Variants in MAMDC4 observed in about 807,000 individuals in gnomAD.
MAMDC4 encodes MAM domain containing 4.
Under a neutral mutation model 153.3 loss-of-function variants are expected in MAMDC4, and 168 were observed. That is an observed-to-expected ratio of 1.10 (90% confidence interval 0.97 to 1.25). The LOEUF (loss-of-function observed/expected upper bound fraction) is 1.25, where lower values mean the gene tolerates loss of function less well. MAMDC4 is among the 50% of genes most tolerant of loss of function. The probability of loss-of-function intolerance (pLI) is 0.00; values close to 1 mark genes in which losing one functional copy is unlikely to be tolerated. For missense variants in MAMDC4, 1,701 were observed against 1,542.8 expected, an observed-to-expected ratio of 1.10 and a Z score of -1.72; for synonymous variants, 744 against 651.5, an observed-to-expected ratio of 1.14 and a Z score of -2.16.
In MAMDC4 at chr9:136,852,440, G is replaced by A. The variant is rs946057838; in HGVS notation, c.24G>A (p.Leu8=). Residue 8 remains leucine (L), a synonymous_variant, in exon 1 of 27, where the codon CTG becomes CTA. Coordinates refer to ENST00000317446, the MANE Select transcript of MAMDC4 (RefSeq NM_206920.3). ...CCATGCCTCTGTCCAGCCACCTGCT[G>A]CCCGCCTTGGTCCTGTTCCTGGGTA... The part of the protein sequence containing the change: MPLSSHL[L]PALVLFLAGS... 8.7e-6 allele frequency: 14 copies of A among 1,610,230 alleles called. No homozygotes were observed. The highest frequency in any genetic ancestry group is 1.6e-4 in the Middle Eastern group (1 of 6,080).
chr9:136,856,358 G>C (rs1427234663), intron 14 of MAMDC4: 1 of 928,932 alleles, frequency 1.1e-6, no homozygotes, highest in Non-Finnish European at 1.8e-6. Context: ...GGTCCTTCTA[G>C]GGGCCCGCCG....
At chr9:136,854,741 C>T (rs1194639228) in intron 8 of MAMDC4, 21 bp from the exon 9 acceptor site, 3 of 1,612,682 alleles carry the variant, frequency 1.9e-6, no homozygotes, top group Admixed American at 1.7e-5. Flanking sequence ...GGCCCTGGCC[C>T]ACTCCCGTCC....
At position 136,860,614 on chromosome 9, in the gene MAMDC4, A is replaced by G; in HGVS notation, c.*11A>G. On this transcript the variant is annotated 3_prime_UTR_variant, in exon 27 of 27. Transcript: ENST00000317446. ...ACCAGTGATCCGTAGACCACCCCAG[A>G]CAAGGCCCCGCTTCCTCACGTGACA... 1 of 1,613,284 alleles carries G rather than the reference A, an allele frequency of 6.2e-7. No individual in the cohort carries two copies. Among genetic ancestry groups the G allele is most frequent in the Non-Finnish European group, 8.5e-7 (1 of 1,179,842 alleles).
At position 136,854,345 on chromosome 9, in the gene MAMDC4, G is replaced by A. The variant is rs191111864; in HGVS notation, c.796+9G>A. On this transcript the variant is annotated intron_variant, in intron 7 of 26. Coordinates refer to ENST00000317446, the MANE Select transcript of MAMDC4 (RefSeq NM_206920.3). Reference sequence around the variant, plus strand: ...GAACCCACTCACCTGTGGTGAGGCCGGAGTGGGGGCCCAGAGTGAGGCTGG... The same window carrying A: ...GAACCCACTCACCTGTGGTGAGGCCAGAGTGGGGGCCCAGAGTGAGGCTGG... The A allele has an allele frequency of 1.1e-3, 1,695 of 1,541,654 alleles. No individual in the cohort carries two copies. The highest frequency in any genetic ancestry group is 1.3e-3 in the Non-Finnish European group (1,515 of 1,143,936).
In MAMDC4 at chr9:136,855,101, C is replaced by A; in HGVS notation, c.1188C>A (p.Tyr396Ter). Residue 396 changes from tyrosine (Y) to a stop codon, truncating the protein, a stop_gained, in exon 10 of 27, where the codon TAC becomes TAA. Coordinates refer to ENST00000317446, the MANE Select transcript of MAMDC4 (RefSeq NM_206920.3). LOFTEE classifies it high-confidence loss of function. ...VRDRVDIQSAYPFQILLAGQT... is the reference protein window; with the variant it reads ...VRDRVDIQSA ...ACCGTGTTGACATCCAGAGCGCCTA[C>A]CCCTTCCAGGTAGGGAACAGCAAGA... 6.3e-7 allele frequency: 1 copy of A among 1,576,702 alleles called. No homozygotes were observed. Among genetic ancestry groups the A allele is most frequent in the Non-Finnish European group, 8.6e-7 (1 of 1,161,668 alleles).
intron 1 of MAMDC4, 125 bp downstream of exon 1, chr9:136,852,587 G>T: frequency 1.6e-6 from 2 of 1,271,926 alleles, no homozygotes; most frequent in Non-Finnish European, 2.2e-6. Flanking sequence ...GGGTTGCAAG[G>T]TACTACCTTG....
In MAMDC4 at chr9:136,857,309, G is replaced by A; in HGVS notation, c.2106+11G>A. ...CATGCCCAGTACCAGGTGAGGCCTG[G>A]CACCCGGGTGGGAGGACAGGGCAGG... On this transcript the variant is annotated intron_variant, in intron 17 of 26. Coordinates refer to ENST00000317446, the MANE Select transcript of MAMDC4 (RefSeq NM_206920.3). 1.9e-6 allele frequency: 3 copies of A among 1,605,464 alleles called. No homozygotes were observed. The highest frequency in any genetic ancestry group is 2.5e-6 in the Non-Finnish European group (3 of 1,177,098).
chr9:136,853,163 C>T lies in MAMDC4; in HGVS notation c.108C>T (p.Cys36=), dbSNP rs749808133. 3 of 1,612,824 alleles carry T rather than the reference C, an allele frequency of 1.9e-6. No individual in the cohort carries two copies. The highest frequency in any genetic ancestry group is 1.1e-5 in the South Asian group (1 of 91,082). ...GCAGGAGCCCTGGCCAGGCCGTGTG[C>T]AACTTCGTGTGTGACTGCAGGGACT... ...NHCRSPGQAV[C]NFVCDCRDCS... Residue 36 remains cysteine (C), a synonymous_variant, in exon 2 of 27, where the codon TGC becomes TGT. Coordinates refer to ENST00000317446, the MANE Select transcript of MAMDC4 (RefSeq NM_206920.3).
intron 15 of MAMDC4, 23 bp downstream of exon 15, chr9:136,856,849 G>A (rs771189816): frequency 1.9e-6 from 3 of 1,612,566 alleles, no homozygotes; most frequent in African/African-American, 1.3e-5. Context: ...CTCAGACCGG[G>A]GGTGGCTTTC....
At chr9:136,855,145 C>G (rs759464186) in intron 10 of MAMDC4, 35 bp downstream of exon 10, 1 of 1,564,512 alleles carries the variant, frequency 6.4e-7, no homozygotes, top group East Asian at 2.4e-5. Flanking sequence ...TCTGGGGAGC[C>G]GCACTGTGGG....
Position 136,853,126 on chromosome 9 carries a change from T to A in MAMDC4, c.71T>A (p.Val24Asp). ...GCAGGGTCCTCAGGCTGGGCCTGGG[T>A]CCCCAACCACTGCAGGAGCCCTGGC... ...FLAGSSGWAW[V>D]PNHCRSPGQA... Residue 24 changes from valine to aspartate, a missense_variant, in exon 2 of 27, where the codon GTC (valine) becomes GAC (aspartate). Physicochemically the swap from Val to Asp is radical, Grantham distance 152. Transcript: ENST00000317446. 3 of 1,612,616 alleles carry A rather than the reference T, an allele frequency of 1.9e-6. No homozygotes were observed. Among genetic ancestry groups the A allele is most frequent in the Non-Finnish European group, 2.5e-6 (3 of 1,179,880 alleles).
chr9:136,854,897 TG>T, intron 9 of MAMDC4, 39 bp from the exon 10 acceptor site: 1 of 1,612,554 alleles, frequency 6.2e-7, no homozygotes, highest in Non-Finnish European at 8.5e-7. Flanking sequence ...CCGTGCTGGC[TG>T]CCCCGGTGCA....
chr9:136,858,254 G>T lies in MAMDC4; in HGVS notation c.2652G>T (p.Gln884His), dbSNP rs1238810660. Residue 884 changes from glutamine (Q) to histidine (H), a missense_variant, in exon 21 of 27, where the codon CAG (glutamine) becomes CAT (histidine). Gln to His is a conservative substitution (Grantham distance 24). Coordinates refer to ENST00000317446, the MANE Select transcript of MAMDC4 (RefSeq NM_206920.3). ...SYVALDDLLL[Q>H]DGPCPQPGSC... Reference sequence around the variant, plus strand: ...TGGCTCTGGATGATCTGCTCCTCCAGGACGGGCCCTGCCCTCAGCCAGGTG... The same window carrying T: ...TGGCTCTGGATGATCTGCTCCTCCATGACGGGCCCTGCCCTCAGCCAGGTG... 2.5e-6 allele frequency: 4 copies of T among 1,601,800 alleles called. No homozygotes were observed. The highest frequency in any genetic ancestry group is 3.4e-6 in the Non-Finnish European group (4 of 1,178,824).
At chr9:136,857,906 G>A in intron 19 of MAMDC4, 73 bp from the exon 20 acceptor site, 2 of 1,473,390 alleles carry the variant, frequency 1.4e-6, no homozygotes, top group Non-Finnish European at 1.8e-6. Context: ...GCCAGGCTGG[G>A]AGCCTGGGAG....
rs1180331478 is a variant in MAMDC4 at position 136,853,347 on chromosome 9, T to C, written c.217T>C (p.Cys73Arg). ...PFACDFEQDP[C>R]GWRDISTSGY... Reference sequence around the variant, plus strand: ...CGCCTGTGACTTCGAGCAGGACCCCTGCGGCTGGCGGGACATTAGTACCTC... The same window carrying C: ...CGCCTGTGACTTCGAGCAGGACCCCCGCGGCTGGCGGGACATTAGTACCTC... The change falls in exon 3 of 27, where the codon TGC (cysteine) becomes CGC (arginine). Residue 73 changes from cysteine to arginine, a missense_variant. Cys to Arg is a radical substitution (Grantham distance 180). Transcript: ENST00000317446. The C allele has an allele frequency of 1.4e-5, 23 of 1,606,876 alleles. No homozygotes were observed. Among genetic ancestry groups the C allele is most frequent in the Non-Finnish European group, 1.8e-5 (21 of 1,175,704 alleles).
rs370545600 is a variant in MAMDC4, at chr9:136,858,056, C to T, written c.2542C>T (p.Arg848Cys). The change falls in exon 20 of 27, where the codon CGC (arginine) becomes TGC (cysteine). Residue 848 changes from arginine (R) to cysteine (C), a missense_variant. Coordinates refer to ENST00000317446, the MANE Select transcript of MAMDC4 (RefSeq NM_206920.3). ...CAGTGCCCACGGCGGGCTTGCCTGG[C>T]GCCTGGGCAGCATGGACGTGCAGGC... ...SLSAHGGLAW[R>C]LGSMDVQAER... The T allele has an allele frequency of 3.2e-5, 49 of 1,528,910 alleles. No homozygotes were observed. Among genetic ancestry groups the T allele is most frequent in the Middle Eastern group, 2.1e-4 (1 of 4,718 alleles). 94.7% of individuals were successfully genotyped at this position (1,528,910 alleles called of 1,614,324 possible).
rs200621529 is a variant in MAMDC4, at chr9:136,859,131, A to G, written c.3083A>G (p.Gln1028Arg). 15 of 1,570,138 alleles carry G rather than the reference A, an allele frequency of 9.6e-6. No individual in the cohort carries two copies. In the East Asian group the frequency reaches 1.6e-4, roughly 17 times the overall value. ...QVEVASAKEF[Q>R]IVFEATLGGQ... ...GAGGTAGCCAGTGCCAAGGAGTTCCAGGTGAGGCTGGCTGTGGGCAAGGAG... is the reference window on the plus strand; with the variant it reads ...GAGGTAGCCAGTGCCAAGGAGTTCCGGGTGAGGCTGGCTGTGGGCAAGGAG... Residue 1028 changes from glutamine to arginine, a missense_variant and splice_region_variant, in exon 24 of 27, where the codon CAG becomes CGG. Physicochemically the swap from Gln to Arg is conservative, Grantham distance 43. Transcript: ENST00000317446.
chr9:136,860,166 C>A, intron 26 of MAMDC4, 102 bp downstream of exon 26: 1 of 1,315,342 alleles, frequency 7.6e-7, no homozygotes, highest in Non-Finnish European at 1.0e-6. Context: ...GGAGCCCCCA[C>A]CTGTGCAAGG....
In MAMDC4 at chr9:136,856,116, C is replaced by T; in HGVS notation, c.1687C>T (p.His563Tyr). The change falls in exon 14 of 27, where the codon CAC (histidine) becomes TAC (tyrosine). Residue 563 changes from histidine to tyrosine, a missense_variant. By Grantham distance (83) the His-to-Tyr change is moderately conservative. Transcript: ENST00000317446. ...LGPSGPSCEL[H>Y]LAYYLQSQPR... ...CCCTTCTGGCCCCAGCTGTGAACTC[C>T]ACCTGGCTTATTATTTACAGAGCCA... is the stretch of plus-strand genomic sequence containing the variant. The T allele has an allele frequency of 6.2e-7, 1 of 1,612,508 alleles. No homozygotes were observed. Among genetic ancestry groups the T allele is most frequent in the Non-Finnish European group, 8.5e-7 (1 of 1,179,904 alleles).
Sources: gnomAD v4.1 joint callset for allele counts on GRCh38, gnomAD v4.1.1 for gene constraint, MANE v1.5 for transcripts, NCBI Gene and HGNC (gene_info 2026-07-23, HGNC 2026-07-21) for gene names.